Variants in GPC6 observed in about 807,000 individuals in gnomAD.
GPC6 encodes the protein glypican-6.
Under a neutral mutation model 55.2 loss-of-function variants are expected in GPC6, and 14 were observed. The observed-to-expected ratio is 0.25, with a 90% confidence interval of 0.17 to 0.40. The LOEUF (loss-of-function observed/expected upper bound fraction) is 0.40. Among genes scored for constraint, GPC6 ranks in the 10% least tolerant of loss-of-function variants. GPC6 has a pLI of 1.00. For missense variants in GPC6, 641 were observed against 708.5 expected (o/e 0.90, Z 1.08); for synonymous variants, 278 against 259.6 (o/e 1.07, Z -0.68).
chr13:93,273,387 G>A (rs1395302617), intron 1 of GPC6, among the ~76,000 whole-genome samples: 3 of 152,138 alleles, frequency 2.0e-5, no homozygotes, highest in Admixed American at 6.5e-5. Context: ...GGCTGGGCGC[G>A]GTGGCTCAAG....
rs1195447524 is a variant in GPC6 at position 94,271,380 on chromosome 13, G to GCACA, written c.878-14968_878-14967insACAC. 7.7e-3 allele frequency among the ~76,000 whole-genome samples: 864 copies of GCACA among 112,570 alleles called. 4 individuals are homozygous for GCACA. Among genetic ancestry groups the GCACA allele is most frequent in the African/African-American group, 0.017 (603 of 35,056 alleles). The allele number at this position is 112,570 out of a possible 152,430, so 73.9% of individuals were successfully genotyped here. ...TACACACACACACGCGCGCGCGCGC[G>GCACA]CGCACACACACACACACACACACAC... On this transcript the variant is annotated intron_variant, in intron 4 of 8. Coordinates refer to ENST00000377047, the MANE Select transcript of GPC6 (RefSeq NM_005708.5).
intron 3 of GPC6, among the ~76,000 whole-genome samples, chr13:94,021,334 G>A (rs890429851): frequency 5.9e-5 from 9 of 151,568 alleles, no homozygotes; most frequent in Non-Finnish European, 1.0e-4. Flanking sequence ...AAACAGTCAC[G>A]TGTTACATTG....
At chr13:93,448,541 C>T (rs1216424919) in intron 1 of GPC6, among the ~76,000 whole-genome samples, 1 of 152,074 alleles carries the variant, frequency 6.6e-6, no homozygotes, top group Admixed American at 6.6e-5. Context: ...GATATTTTTC[C>T]ATATGAAAAT....
At chr13:94,369,376 T>C (rs958304753) in intron 6 of GPC6, among the ~76,000 whole-genome samples, 3 of 152,178 alleles carry the variant, frequency 2.0e-5, no homozygotes, top group Non-Finnish European at 4.4e-5. Flanking sequence ...GTAGATGGAC[T>C]TGGGGCCTCC....
chr13:93,453,057 C>T (rs1410757020), intron 1 of GPC6, among the ~76,000 whole-genome samples: 3 of 152,180 alleles, frequency 2.0e-5, no homozygotes, highest in Admixed American at 6.5e-5. Context: ...AAATGATAAG[C>T]TCTATTTGCA....
chr13:94,378,447 TG>T (rs1880001333), intron 6 of GPC6, among the ~76,000 whole-genome samples: 1 of 152,174 alleles, frequency 6.6e-6, no homozygotes, highest in African/African-American at 2.4e-5. Context: ...CATTCCACCT[TG>T]TCACCTTCCT....
intron 2 of GPC6, among the ~76,000 whole-genome samples, chr13:93,673,110 G>A (rs1881437319): frequency 6.6e-6 from 1 of 152,096 alleles, no homozygotes; most frequent in Non-Finnish European, 1.5e-5. Context: ...GTGAGTCTGA[G>A]GAGTTGGATG....
intron 6 of GPC6, among the ~76,000 whole-genome samples, chr13:94,350,399 G>A (rs1461233692): frequency 6.6e-6 from 1 of 151,992 alleles, no homozygotes; most frequent in Non-Finnish European, 1.5e-5. Flanking sequence ...ATGCACCCAA[G>A]GGTCAAAACT....
intron 3 of GPC6, among the ~76,000 whole-genome samples, chr13:93,930,520 C>T (rs1309945242): frequency 6.6e-6 from 1 of 152,012 alleles, no homozygotes; most frequent in African/African-American, 2.4e-5. Context: ...ATCCACCCAC[C>T]ACGGCCTCCC....
intron 3 of GPC6, among the ~76,000 whole-genome samples, chr13:93,941,146 T>C (rs952787550): frequency 2.0e-5 from 3 of 152,214 alleles, no homozygotes; most frequent in African/African-American, 7.2e-5. Flanking sequence ...CCCATGAGTA[T>C]TTAAGACAGC....
In GPC6 at chr13:94,233,923, G is replaced by C. The variant is rs146383622; in HGVS notation, c.878-52426G>C. Among the ~76,000 whole-genome samples the C allele has an allele frequency of 9.2e-5, 14 of 152,122 alleles. No homozygotes were observed. In the East Asian group the frequency reaches 1.9e-3, roughly 21 times the overall value. Reference sequence around the variant, plus strand: ...TTTCAGGCATATGCTGAGGGTCTTCGAACATACCCCCCAGGGCTAAGGGGG... The same window carrying C: ...TTTCAGGCATATGCTGAGGGTCTTCCAACATACCCCCCAGGGCTAAGGGGG... On this transcript the variant is annotated intron_variant, in intron 4 of 8. Transcript: ENST00000377047.
At chr13:93,925,696 AT>A (rs753056569) in intron 3 of GPC6, among the ~76,000 whole-genome samples, 2 of 152,304 alleles carry the variant, frequency 1.3e-5, no homozygotes, top group East Asian at 3.9e-4. Flanking sequence ...TGTGCCTGGA[AT>A]TTGGGCATAG....
chr13:94,328,489 C>A (rs577009972), intron 6 of GPC6, among the ~76,000 whole-genome samples: 1 of 152,300 alleles, frequency 6.6e-6, no homozygotes, highest in African/African-American at 2.4e-5. Context: ...TGGAACAAAG[C>A]TTTGCTTTCT....
chr13:94,368,844 G>A (rs936578876), intron 6 of GPC6, among the ~76,000 whole-genome samples: 1 of 152,184 alleles, frequency 6.6e-6, no homozygotes, highest in Non-Finnish European at 1.5e-5. Flanking sequence ...GGTGCTGTCA[G>A]AAAAGACCAT....
At chr13:93,520,187 T>C (rs1277079512) in intron 1 of GPC6, among the ~76,000 whole-genome samples, 3 of 151,944 alleles carry the variant, frequency 2.0e-5, no homozygotes, top group African/African-American at 7.2e-5. Flanking sequence ...ATTATCAGAA[T>C]ACCACCAACT....
chr13:93,922,146 T>A (rs1877609711), intron 3 of GPC6, among the ~76,000 whole-genome samples: 1 of 152,018 alleles, frequency 6.6e-6, no homozygotes, highest in Admixed American at 6.6e-5. Context: ...GGGAAAGAGA[T>A]AGAGTATTAA....
intron 2 of GPC6, among the ~76,000 whole-genome samples, chr13:93,779,493 G>A (rs1324091995): frequency 1.3e-5 from 2 of 152,132 alleles, no homozygotes; most frequent in Non-Finnish European, 2.9e-5. Context: ...GACCATTAGA[G>A]TATACAGTGA....
intron 4 of GPC6, among the ~76,000 whole-genome samples, chr13:94,147,217 A>C (rs73546076): frequency 2.0e-5 from 3 of 152,090 alleles, no homozygotes; most frequent in Admixed American, 6.6e-5. Context: ...TCATTTTCCT[A>C]TCTCCTGATT....
At chr13:94,203,245 T>C (rs1889808970) in intron 4 of GPC6, among the ~76,000 whole-genome samples, 6 of 151,628 alleles carry the variant, frequency 4.0e-5, no homozygotes, top group Non-Finnish European at 8.8e-5. Context: ...GAACTAGAAT[T>C]TGTATTGTTA....
Sources: gnomAD v4.1 joint callset for allele counts (sites outside exome capture counted in the v4.1 genomes callset) on GRCh38, gnomAD v4.1.1 for gene constraint, MANE v1.5 for transcripts, NCBI Gene and HGNC (gene_info 2026-07-23, HGNC 2026-07-21) for gene names.